Variants in UGDH observed in about 807,000 individuals in gnomAD.
UGDH encodes the protein UDP-Glc dehydrogenase.
A neutral mutation model predicts 50.6 loss-of-function variants in UGDH; 38 were observed. The observed-to-expected ratio is 0.75, with a 90% CI of 0.58 to 0.98. The LOEUF (loss-of-function observed/expected upper bound fraction) is 0.98. UGDH is among the 50% of genes least tolerant of loss of function. The pLI is 0.00. For synonymous variants in UGDH, 168 were observed against 199.9 expected, an observed-to-expected ratio of 0.84 and a Z score of 1.35; for missense variants, 465 against 606.2, an observed-to-expected ratio of 0.77 and a Z score of 2.45.
At position 39,498,755 on chromosome 4, in the gene UGDH, T is replaced by C. The variant is rs1370220445; in HGVS notation, c.*1388A>G. Reference sequence around the variant, plus strand: ...TGAATTGACAAAAATTACACCCATATAGTTGTTGATGGAGAATGTTTTATT... The same window carrying C: ...TGAATTGACAAAAATTACACCCATACAGTTGTTGATGGAGAATGTTTTATT... On this transcript the variant is annotated 3_prime_UTR_variant, in exon 12 of 12. Coordinates refer to ENST00000316423, the MANE Select transcript of UGDH (RefSeq NM_003359.4). 3 of 152,188 alleles carry C rather than the reference T, an allele frequency of 2.0e-5. No individual in the cohort carries two copies. The highest frequency in any genetic ancestry group is 4.4e-5 in the Non-Finnish European group (3 of 68,034). The allele number at this position is 152,188 out of a possible 1,614,324, so 9.4% of individuals were successfully genotyped here.
At chr4:39,521,269 T>G in intron 2 of UGDH, 82 bp downstream of exon 2, 1 of 1,341,024 alleles carries the variant, frequency 7.5e-7, no homozygotes, top group African/African-American at 1.5e-5. Flanking sequence ...TTATAGATTT[T>G]TATATTAATA....
chr4:39,525,219 G>A (rs371128291), intron 1 of UGDH, among the ~76,000 whole-genome samples: 6 of 152,118 alleles, frequency 3.9e-5, no homozygotes, highest in East Asian at 1.9e-4. Flanking sequence ...TTTTTGAGAC[G>A]GAGTCTCACT....
At position 39,523,522 on chromosome 4, in the gene UGDH, T is replaced by C. The variant is rs548332156; in HGVS notation, c.-7-2003A>G. 3.5e-4 allele frequency among the ~76,000 whole-genome samples: 54 copies of C among 152,262 alleles called. 1 individual carries two copies. The South Asian group carries it at 0.01, about 29-fold the overall frequency. On this transcript the variant is annotated intron_variant, in intron 1 of 11. Coordinates refer to ENST00000316423, the MANE Select transcript of UGDH (RefSeq NM_003359.4). Reference sequence around the variant, plus strand: ...ATAAATTTTTAAAAATTATTTATTCTGGCCAGGCACGGTGGCTCATGCCTG... The same window carrying C: ...ATAAATTTTTAAAAATTATTTATTCCGGCCAGGCACGGTGGCTCATGCCTG...
intron 7 of UGDH, among the ~76,000 whole-genome samples, chr4:39,506,081 A>G (rs1746013775): frequency 6.6e-6 from 1 of 151,678 alleles, no homozygotes; most frequent in Non-Finnish European, 1.5e-5. Flanking sequence ...AAATACAAAA[A>G]TTAGCCAGGC....
chr4:39,510,620 TAC>T (rs1560263480), intron 4 of UGDH, 39 bp downstream of exon 4: 1 of 1,614,116 alleles, frequency 6.2e-7, no homozygotes, highest in Admixed American at 1.7e-5. Context: ...CATCAGTATT[TAC>T]ATAAGAATAA....
chr4:39,516,624 T>C (rs1746450503), intron 2 of UGDH, among the ~76,000 whole-genome samples: 1 of 152,198 alleles, frequency 6.6e-6, no homozygotes, highest in South Asian at 2.1e-4. Flanking sequence ...GCATTACATA[T>C]AGAGGCAACT....
intron 1 of UGDH, 60 bp from the exon 2 acceptor site, chr4:39,521,579 A>G (rs1746664307): frequency 1.5e-6 from 2 of 1,327,710 alleles, no homozygotes; most frequent in Non-Finnish European, 2.0e-6. Context: ...AAGAAATAAT[A>G]TTGTACATTA....
chr4:39,509,671 T>G, intron 6 of UGDH, 89 bp downstream of exon 6: 260 of 1,396,258 alleles, frequency 1.9e-4, no homozygotes, highest in Non-Finnish European at 2.3e-4. Context: ...AAGGATTCAA[T>G]GAGATATATA....
chr4:39,499,972 G>T lies in UGDH; in HGVS notation c.*171C>A, dbSNP rs536209475. 63 of 445,360 alleles carry T rather than the reference G, an allele frequency of 1.4e-4. 1 individual carries two copies. The South Asian group carries it at 2.8e-3, about 20-fold the overall frequency. The allele number at this position is 445,360 out of a possible 1,614,324, so 27.6% of individuals were successfully genotyped here. ...GTGAACCTGGGAAGCAGAGCTTGCA[G>T]TGAGCCGAGATTGCACCACTGCACT... On this transcript the variant is annotated 3_prime_UTR_variant, in exon 12 of 12. Coordinates refer to ENST00000316423, the MANE Select transcript of UGDH (RefSeq NM_003359.4).
At chr4:39,505,579 C>T in intron 8 of UGDH, 39 bp downstream of exon 8, 1 of 1,530,742 alleles carries the variant, frequency 6.5e-7, no homozygotes, top group Non-Finnish European at 8.8e-7. Flanking sequence ...GGAGTTAACA[C>T]AATCTCAAAA....
chr4:39,518,703 T>G (rs563822999), intron 2 of UGDH, among the ~76,000 whole-genome samples: 5 of 151,580 alleles, frequency 3.3e-5, no homozygotes, highest in African/African-American at 4.9e-5. Flanking sequence ...CAAGCAATCC[T>G]CTCGCCCGGC....
In UGDH at chr4:39,500,250, C is replaced by A; in HGVS notation, c.1378G>T (p.Glu460Ter). Reference sequence around the variant, plus strand: ...GAAGACACCTTTTTGCCAATTGTTTCAATCTGAAAAAAAAATAAAATTTAA... The same window carrying A: ...GAAGACACCTTTTTGCCAATTGTTTAAATCTGAAAAAAAAATAAAATTTAA... ...NELQTIGFQI[E>*]TIGKKVSSKR... is the part of the protein sequence containing the mutation. The change falls in exon 12 of 12, where the codon GAA (glutamate) becomes TAA (stop). Residue 460 changes from glutamate to a stop codon, truncating the protein, a stop_gained. Transcript: ENST00000316423. LOFTEE classifies it high-confidence loss of function. 1 of 1,558,906 alleles carries A rather than the reference C, an allele frequency of 6.4e-7. No individual in the cohort carries two copies. Among genetic ancestry groups the A allele is most frequent in the Non-Finnish European group, 8.7e-7 (1 of 1,147,806 alleles).
chr4:39,501,276 A>C (rs1443001986), intron 11 of UGDH, among the ~76,000 whole-genome samples: 1 of 132,268 alleles, frequency 7.6e-6, no homozygotes, highest in Non-Finnish European at 1.6e-5. Context: ...AACAGCATAA[A>C]TTTTTTTTTT....
intron 7 of UGDH, among the ~76,000 whole-genome samples, chr4:39,506,571 C>T (rs759082699): frequency 6.6e-6 from 1 of 152,202 alleles, no homozygotes; most frequent in Non-Finnish European, 1.5e-5. Context: ...CTGGATGAAC[C>T]ATAACACCAC....
At chr4:39,513,291 T>G (rs907936684) in intron 3 of UGDH, among the ~76,000 whole-genome samples, 1 of 152,222 alleles carries the variant, frequency 6.6e-6, no homozygotes, top group East Asian at 1.9e-4. Context: ...ATTATAAAGG[T>G]AGGACAGTTC....
intron 1 of UGDH, among the ~76,000 whole-genome samples, chr4:39,524,293 T>TTTA (rs1746788997): frequency 1.3e-5 from 2 of 152,198 alleles, no homozygotes; most frequent in African/African-American, 2.4e-5. Flanking sequence ...CATAGTTTAA[T>TTTA]AAGGCACAGC....
At chr4:39,504,378 C>G (rs906026566) in intron 10 of UGDH, 39 bp downstream of exon 10, 7 of 1,580,688 alleles carry the variant, frequency 4.4e-6, no homozygotes, top group Non-Finnish European at 5.2e-6. Context: ...TAGTGGAACA[C>G]CTCTAGAATT....
rs1239397498 is a variant in UGDH at position 39,505,745 on chromosome 4, T to C, written c.910A>G (p.Ile304Val). 3 of 1,605,780 alleles carry C rather than the reference T, an allele frequency of 1.9e-6. No homozygotes were observed. The South Asian group carries it at 3.3e-5, about 18-fold the overall frequency. Residue 304 changes from isoleucine to valine, a missense_variant, in exon 8 of 12, where the codon ATA becomes GTA. Coordinates refer to ENST00000316423, the MANE Select transcript of UGDH (RefSeq NM_003359.4). ...PEVARYWQQV[I>V]DMNDYQRRRF... ...CTCCTCTGGTAGTCATTCATGTCTATGACCTGAAATTACATGTACAATTGT... is the reference window on the plus strand; with the variant it reads ...CTCCTCTGGTAGTCATTCATGTCTACGACCTGAAATTACATGTACAATTGT...
intron 7 of UGDH, among the ~76,000 whole-genome samples, chr4:39,508,122 T>C (rs1746098121): frequency 1.3e-5 from 2 of 152,190 alleles, no homozygotes; most frequent in Non-Finnish European, 2.9e-5. Flanking sequence ...AAATTGAATA[T>C]ACTAATTTTT....
Sources: allele counts gnomAD v4.1 joint callset (sites outside exome capture counted in the v4.1 genomes callset), GRCh38; gene constraint gnomAD v4.1.1; transcripts MANE v1.5; gene names NCBI Gene and HGNC (gene_info 2026-07-23, HGNC 2026-07-21).